The following DOP1A variants were observed in gnomAD, a reference collection of about 807,000 sequenced individuals.
The protein encoded by DOP1A is protein DOP1A.
DOP1A carries 90 observed loss-of-function variants against 267.6 expected under a neutral mutation model. The observed-to-expected ratio is 0.34, with a 90% CI of 0.28 to 0.40. DOP1A has a LOEUF of 0.40. Among genes scored for constraint, DOP1A ranks in the 10% least tolerant of loss-of-function variants. The pLI, the probability that DOP1A is intolerant of heterozygous loss-of-function variation, is 1.00. For missense variants in DOP1A, 2,437 were observed against 2,900.4 expected (o/e 0.84, Z 3.67); for synonymous variants, 932 against 999.1 (o/e 0.93, Z 1.27).
At chr6:83,146,242 T>C (rs974009639) in intron 25 of DOP1A, among the ~76,000 whole-genome samples, 2 of 152,216 alleles carry the variant, frequency 1.3e-5, no homozygotes, top group African/African-American at 2.4e-5. Flanking sequence ...CTGCTCTTTG[T>C]TCAAGCAATA....
intron 1 of DOP1A, among the ~76,000 whole-genome samples, chr6:83,071,450 G>A (rs1040629397): frequency 2.0e-5 from 3 of 152,004 alleles, no homozygotes; most frequent in Admixed American, 1.3e-4. Flanking sequence ...CAGGTTATCC[G>A]CCTCGCCTCT....
At chr6:83,110,057 G>T (rs551632053) in intron 5 of DOP1A, 68 bp from the exon 6 acceptor site, 656 of 1,466,812 alleles carry the variant, frequency 4.5e-4, no homozygotes, top group South Asian at 6.8e-4. Context: ...TTTTGGAAAA[G>T]AATGATTTAT....
At chr6:83,152,100 C>T (rs1781787686) in intron 29 of DOP1A, 73 bp downstream of exon 29, 1 of 1,553,344 alleles carries the variant, frequency 6.4e-7, no homozygotes, top group African/African-American at 1.4e-5. Context: ...TTTTGCCTAG[C>T]ACTATAAGTA....
chr6:83,145,192 A>T (rs13220375), intron 24 of DOP1A, among the ~76,000 whole-genome samples: 28 of 124 alleles, frequency 0.23, 5 homozygotes, highest in African/African-American at 0.27. Flanking sequence ...TATATATATA[A>T]TATATATATA....
At chr6:83,104,780 T>C (rs1773281632) in intron 4 of DOP1A, among the ~76,000 whole-genome samples, 1 of 152,172 alleles carries the variant, frequency 6.6e-6, no homozygotes, top group African/African-American at 2.4e-5. Flanking sequence ...TTGTAGCATG[T>C]AGGATCTATA....
rs140300368 is a variant in DOP1A at position 83,120,234 on chromosome 6, A to T, written c.990+377A>T. ...ATTTTTAATTCAATTATATTTATTTAAGATATTTGAAATAGAAGAAAATAC... is the reference window on the plus strand; with the variant it reads ...ATTTTTAATTCAATTATATTTATTTTAGATATTTGAAATAGAAGAAAATAC... On this transcript the variant is annotated intron_variant, in intron 9 of 38. Transcript: ENST00000349129. 2.4e-3 allele frequency among the ~76,000 whole-genome samples: 365 copies of T among 152,036 alleles called. 1 individual carries two copies. Among genetic ancestry groups the T allele is most frequent in the African/African-American group, 8.5e-3 (352 of 41,548 alleles).
chr6:83,152,620 C>CTTTTTT (rs35823510), intron 30 of DOP1A, among the ~76,000 whole-genome samples: 9 of 133,880 alleles, frequency 6.7e-5, no homozygotes, highest in Non-Finnish European at 9.7e-5. Flanking sequence ...TTTTCTTTTT[C>CTTTTTT]TTTTTTTTTT....
At position 83,155,961 on chromosome 6, in the gene DOP1A, A is replaced by G. The variant is rs1476867569; in HGVS notation, c.6462A>G (p.Ala2154=). 1 of 1,611,818 alleles carries G rather than the reference A, an allele frequency of 6.2e-7. No homozygotes were observed. The highest frequency in any genetic ancestry group is 1.1e-5 in the South Asian group (1 of 90,138). The part of the protein sequence containing the change: ...TTFRDLMTRV[A]VAQSSSLNLF... ...CACTTGCTTTTTCAGCTCGTGTAGC[A>G]GTGGCTCAAAGCAGTTCACTTAATC... Residue 2154 remains alanine, a synonymous_variant, in exon 34 of 39, where the codon GCA becomes GCG. Transcript: ENST00000349129.
intron 3 of DOP1A, among the ~76,000 whole-genome samples, chr6:83,099,723 T>TACACACGTATAC: frequency 6.6e-6 from 1 of 151,112 alleles, no homozygotes; most frequent in African/African-American, 2.4e-5. Context: ...TACATATATA[T>TACACACGTATAC]ATATATATAC....
At chr6:83,113,603 T>G (rs1774928838) in intron 7 of DOP1A, among the ~76,000 whole-genome samples, 182 bp downstream of exon 7, 1 of 152,186 alleles carries the variant, frequency 6.6e-6, no homozygotes, top group Admixed American at 6.6e-5. Context: ...AGATAAAAGC[T>G]TCACTGATTT....
At chr6:83,105,704 G>T (rs978601435) in intron 4 of DOP1A, among the ~76,000 whole-genome samples, 1 of 152,032 alleles carries the variant, frequency 6.6e-6, no homozygotes, top group Non-Finnish European at 1.5e-5. Context: ...GCCAGTAAAG[G>T]TATTTTTGAT....
rs145758868 is a variant in DOP1A, at chr6:83,075,075, A to G, written c.-147+7296A>G. Among the ~76,000 whole-genome samples, 16 of 152,318 alleles carry G rather than the reference A, an allele frequency of 1.1e-4. No individual in the cohort carries two copies. In the East Asian group the frequency reaches 3.1e-3, roughly 29 times the overall value. ...TCAGATATGTATTGTACATATGCAA[A>G]TTAATATATATTTTCCCTCTTTTAA... On this transcript the variant is annotated intron_variant, in intron 1 of 38. Coordinates refer to ENST00000349129, the MANE Select transcript of DOP1A (RefSeq NM_015018.4).
chr6:83,068,234 G>C (rs985601902), intron 1 of DOP1A, among the ~76,000 whole-genome samples: 8 of 152,326 alleles, frequency 5.3e-5, no homozygotes, highest in East Asian at 1.9e-4. Flanking sequence ...TAGCATTGAG[G>C]AGACACGTAG....
At chr6:83,109,220 A>C in intron 5 of DOP1A, 140 bp downstream of exon 5, 1 of 715,698 alleles carries the variant, frequency 1.4e-6, no homozygotes, top group Non-Finnish European at 2.2e-6. Flanking sequence ...TATAGCAATG[A>C]AACATTATTA....
chr6:83,132,675 C>T (rs375695088), intron 18 of DOP1A, among the ~76,000 whole-genome samples: 13 of 151,700 alleles, frequency 8.6e-5, no homozygotes, highest in South Asian at 2.1e-4. Flanking sequence ...ATGGAACTTA[C>T]GGATTTATTA....
intron 31 of DOP1A, 54 bp from the exon 32 acceptor site, chr6:83,153,840 A>G (rs1782214253): frequency 1.3e-6 from 2 of 1,537,018 alleles, no homozygotes; most frequent in Middle Eastern, 1.7e-4. Context: ...GTATAACTTG[A>G]TAGGATGATT....
intron 4 of DOP1A, among the ~76,000 whole-genome samples, chr6:83,108,420 C>T (rs1333867697): frequency 1.3e-5 from 2 of 152,176 alleles, no homozygotes; most frequent in Non-Finnish European, 2.9e-5. Context: ...CTAAGCAGTC[C>T]TCCCACCTCC....
downstream of DOP1A, chr6:83,169,250 G>A (rs750330692): frequency 1.2e-6 from 2 of 1,613,852 alleles, no homozygotes; most frequent in African/African-American, 1.3e-5. Context: ...ACCTGGTTGG[G>A]GCCTTTCTCC....
intron 4 of DOP1A, 59 bp downstream of exon 4, chr6:83,100,945 A>G (rs1772456064): frequency 7.1e-6 from 8 of 1,133,058 alleles, no homozygotes; most frequent in Non-Finnish European, 8.1e-6. Flanking sequence ...TTGCTAAACT[A>G]TTTTATACTT....
Sources: allele counts gnomAD v4.1 joint callset (sites outside exome capture counted in the v4.1 genomes callset), GRCh38; gene constraint gnomAD v4.1.1; transcripts MANE v1.5; gene names NCBI Gene and HGNC (gene_info 2026-07-23, HGNC 2026-07-21).